TMEM132D: variants seen among roughly 807,000 people sequenced by gnomAD.
TMEM132D encodes transmembrane protein 132D.
In TMEM132D, 21 loss-of-function variants were observed where a neutral mutation model predicts 62.3. The observed-to-expected ratio is 0.34, with a 90% CI of 0.24 to 0.49. TMEM132D has a LOEUF of 0.49. Among genes scored for constraint, TMEM132D ranks in the 20% least tolerant of loss-of-function variants. The pLI is 0.99. For missense variants in TMEM132D, 1,346 were observed against 1,402.8 expected, an observed-to-expected ratio of 0.96 and a Z score of 0.65; for synonymous variants, 621 against 575.6, an observed-to-expected ratio of 1.08 and a Z score of -1.13.
intron 4 of TMEM132D, 162 bp from the exon 5 acceptor site, chr12:129,209,825 C>A (rs903698510): frequency 2.1e-6 from 2 of 938,550 alleles, no homozygotes; most frequent in East Asian, 2.6e-5. Context: ...ACCGTGGCAG[C>A]CATGAGATAA....
At chr12:129,299,860 C>A (rs533529833) in intron 4 of TMEM132D, among the ~76,000 whole-genome samples, 2 of 152,188 alleles carry the variant, frequency 1.3e-5, no homozygotes, top group South Asian at 4.1e-4. Flanking sequence ...CTTCAATGAA[C>A]CATGCTGGAC....
At chr12:129,726,206 C>A (rs911578262) in intron 1 of TMEM132D, among the ~76,000 whole-genome samples, 5 of 152,212 alleles carry the variant, frequency 3.3e-5, no homozygotes, top group Non-Finnish European at 5.9e-5. Flanking sequence ...TTTCCCCTTG[C>A]TGACTGTGCT....
At chr12:129,588,392 A>G (rs937848707) in intron 2 of TMEM132D, among the ~76,000 whole-genome samples, 22 of 152,170 alleles carry the variant, frequency 1.4e-4, no homozygotes, top group Non-Finnish European at 2.9e-5. Context: ...ACTCGTCAAT[A>G]CATATTCACA....
chr12:129,343,001 T>C (rs1479970644), intron 3 of TMEM132D, among the ~76,000 whole-genome samples: 1 of 152,204 alleles, frequency 6.6e-6, no homozygotes, highest in Non-Finnish European at 1.5e-5. Flanking sequence ...GTTCAACCAT[T>C]GTGGAAGTCA....
intron 5 of TMEM132D, among the ~76,000 whole-genome samples, chr12:129,089,512 C>T (rs1255272655): frequency 6.1e-5 from 3 of 49,584 alleles, no homozygotes; most frequent in South Asian, 8.7e-4. Flanking sequence ...CCTCTATGAC[C>T]GGGTGTCCTC....
intron 1 of TMEM132D, among the ~76,000 whole-genome samples, chr12:129,833,548 C>T (rs962382504): frequency 6.6e-6 from 1 of 152,120 alleles, no homozygotes; most frequent in African/African-American, 2.4e-5. Context: ...TCGCTTGAGC[C>T]CAGGAGTTCG....
rs183994333 is a variant in TMEM132D at position 129,808,658 on chromosome 12, T to C, written c.79+94603A>G. On this transcript the variant is annotated intron_variant, in intron 1 of 8. Transcript: ENST00000422113. ...GAACACAAGAGAAGTTCTGAGTATT[T>C]TCAAACCTGAAACCAAGAAACCAAG... Among the ~76,000 whole-genome samples, 357 of 152,318 alleles carry C rather than the reference T, an allele frequency of 2.3e-3. 1 individual carries two copies. Among genetic ancestry groups the C allele is most frequent in the African/African-American group, 8.2e-3 (341 of 41,568 alleles).
chr12:129,133,860 T>C (rs894257003), intron 5 of TMEM132D, among the ~76,000 whole-genome samples: 2 of 152,116 alleles, frequency 1.3e-5, no homozygotes, highest in Non-Finnish European at 2.9e-5. Flanking sequence ...TTTTATGAAG[T>C]AGTGAAAATA....
chr12:129,476,993 C>T (rs111408164), intron 3 of TMEM132D, among the ~76,000 whole-genome samples: 37 of 152,326 alleles, frequency 2.4e-4, no homozygotes, highest in African/African-American at 7.7e-4. Flanking sequence ...ACAACTTCCT[C>T]GTTCTTGCTT....
chr12:129,487,901 T>C (rs779495216), intron 3 of TMEM132D, among the ~76,000 whole-genome samples: 2 of 128,126 alleles, frequency 1.6e-5, no homozygotes, highest in African/African-American at 3.1e-5. Context: ...TGCGCCACTG[T>C]ACTCCAACCT....
intron 3 of TMEM132D, among the ~76,000 whole-genome samples, chr12:129,425,377 G>A (rs968460259): frequency 8.0e-5 from 12 of 150,288 alleles, no homozygotes; most frequent in African/African-American, 2.4e-4. Context: ...AGCAACATAC[G>A]TGGGCTCCTG....
At chr12:129,374,812 G>A (rs981632412) in intron 3 of TMEM132D, among the ~76,000 whole-genome samples, 5 of 152,198 alleles carry the variant, frequency 3.3e-5, no homozygotes, top group African/African-American at 1.2e-4. Context: ...CAGAGAAAGA[G>A]GATGGAGGCT....
chr12:129,343,498 C>G (rs1322027266), intron 3 of TMEM132D, among the ~76,000 whole-genome samples: 1 of 152,082 alleles, frequency 6.6e-6, no homozygotes, highest in Non-Finnish European at 1.5e-5. Context: ...ATAGGTGCAG[C>G]ACACCAACAT....
At chr12:129,839,559 G>A (rs939349244) in intron 1 of TMEM132D, among the ~76,000 whole-genome samples, 5 of 152,198 alleles carry the variant, frequency 3.3e-5, no homozygotes, top group African/African-American at 7.2e-5. Context: ...CACTGTGCCC[G>A]GCCTTAAACT....
chr12:129,473,611 G>A (rs1322404430), intron 3 of TMEM132D, among the ~76,000 whole-genome samples: 1 of 152,186 alleles, frequency 6.6e-6, no homozygotes, highest in Non-Finnish European at 1.5e-5. Flanking sequence ...GATTACATGT[G>A]TGAGCCACTG....
chr12:129,099,345 A>G (rs933568389), intron 5 of TMEM132D, among the ~76,000 whole-genome samples: 2 of 152,056 alleles, frequency 1.3e-5, no homozygotes, highest in African/African-American at 2.4e-5. Context: ...GCCATTTTTG[A>G]GTTGATTTTT....
intron 1 of TMEM132D, among the ~76,000 whole-genome samples, chr12:129,832,828 G>A (rs1304832791): frequency 3.3e-5 from 5 of 152,180 alleles, no homozygotes; most frequent in Admixed American, 3.3e-4. Context: ...CAAAGGCACC[G>A]TCTCCAATAA....
At chr12:129,215,970 A>G (rs940861190) in intron 4 of TMEM132D, among the ~76,000 whole-genome samples, 4 of 152,156 alleles carry the variant, frequency 2.6e-5, no homozygotes, top group African/African-American at 9.7e-5. Flanking sequence ...GCATGATTCA[A>G]TTATCTCCCA....
At chr12:129,161,168 A>G (rs964537815) in intron 5 of TMEM132D, among the ~76,000 whole-genome samples, 2 of 152,232 alleles carry the variant, frequency 1.3e-5, no homozygotes, top group African/African-American at 4.8e-5. Context: ...TCTGAGGAAC[A>G]GCAGGAAGGA....
Sources: allele counts gnomAD v4.1 joint callset (sites outside exome capture counted in the v4.1 genomes callset), GRCh38; gene constraint gnomAD v4.1.1; transcripts MANE v1.5; gene names NCBI Gene and HGNC (gene_info 2026-07-23, HGNC 2026-07-21).